Variants in DGKG observed in about 807,000 individuals in gnomAD.
DGKG encodes DAG kinase gamma.
A neutral mutation model predicts 105.3 loss-of-function variants in DGKG; 78 were observed. The ratio of observed to expected loss-of-function variants is 0.74; its 90% CI spans 0.62 to 0.89. DGKG has a LOEUF of 0.89. Among genes scored for constraint, DGKG ranks in the 40% least tolerant of loss-of-function variants. The pLI is 0.00. For synonymous variants in DGKG, 346 were observed against 367.1 expected (o/e 0.94, Z 0.66); for missense variants, 958 against 1,020.1 (o/e 0.94, Z 0.83).
chr3:186,275,434 G>A (rs1327713764), intron 10 of DGKG, 113 bp downstream of exon 10: 7 of 877,010 alleles, frequency 8.0e-6, no homozygotes, highest in African/African-American at 5.0e-5. Flanking sequence ...CAATATGGGT[G>A]GTCCCTCAAG....
chr3:186,243,642 G>A (rs750509419), intron 19 of DGKG, among the ~76,000 whole-genome samples: 1 of 152,066 alleles, frequency 6.6e-6, no homozygotes, highest in Non-Finnish European at 1.5e-5. Context: ...AATGTGTAAC[G>A]CCCCTTCACC....
chr3:186,317,998 T>C (rs1324159642), intron 2 of DGKG, among the ~76,000 whole-genome samples: 1 of 152,204 alleles, frequency 6.6e-6, no homozygotes, highest in Non-Finnish European at 1.5e-5. Context: ...CTTCCTTTTG[T>C]TGTACGTGCA....
intron 24 of DGKG, chr3:186,158,782 T>C (rs1237231697): frequency 5.4e-6 from 5 of 927,458 alleles, no homozygotes; most frequent in Admixed American, 6.2e-5. Flanking sequence ...TAGTTTTTTA[T>C]ATATTTTGAT....
Position 186,167,408 on chromosome 3 carries a change from T to G in DGKG, c.2096-2390A>C, listed in dbSNP as rs1716599606. 2.6e-5 allele frequency among the ~76,000 whole-genome samples: 4 copies of G among 152,326 alleles called. No homozygotes were observed. The South Asian group carries it at 6.2e-4, about 24-fold the overall frequency. On this transcript the variant is annotated intron_variant, in intron 22 of 24. Coordinates refer to ENST00000265022, the MANE Select transcript of DGKG (RefSeq NM_001346.3). ...CAAAGTTATAAGACCACAAGACCCT[T>G]TTCTTGTGTGTGATGCCTATAAACA...
At position 186,188,208 on chromosome 3, in the gene DGKG, C is replaced by G; in HGVS notation, c.2089G>C (p.Val697Leu). 6.2e-7 allele frequency: 1 copy of G among 1,614,156 alleles called. No individual in the cohort carries two copies. Among genetic ancestry groups the G allele is most frequent in the South Asian group, 1.1e-5 (1 of 91,086 alleles). Residue 697 changes from valine (V) to leucine (L), a missense_variant, in exon 22 of 25, where the codon GTT becomes CTT. By Grantham distance (32) the Val-to-Leu change is conservative. Coordinates refer to ENST00000265022, the MANE Select transcript of DGKG (RefSeq NM_001346.3). ...ATCCTCATTCCTGGCTTACCTTGAA[C>G]GCAGAATTTCAGTTCTTTGGGGTCA... ...VTDPKELKFC[V>L]QDLSDQLLEV... is the part of the protein sequence containing the mutation.
intron 1 of DGKG, among the ~76,000 whole-genome samples, chr3:186,355,185 C>CA (rs1726850898): frequency 1.3e-5 from 2 of 148,988 alleles, no homozygotes; most frequent in African/African-American, 4.9e-5. Flanking sequence ...ACTATCACCA[C>CA]CACCATCAAT....
chr3:186,255,874 G>A (rs1224430027), intron 17 of DGKG, among the ~76,000 whole-genome samples: 1 of 152,162 alleles, frequency 6.6e-6, no homozygotes, highest in Non-Finnish European at 1.5e-5. Context: ...AATATCTTAC[G>A]CAGTTATCCC....
intron 20 of DGKG, among the ~76,000 whole-genome samples, chr3:186,225,632 G>A (rs985141922): frequency 4.6e-5 from 7 of 151,922 alleles, no homozygotes; most frequent in Non-Finnish European, 8.8e-5. Context: ...AATGATCGAC[G>A]GCCACTGAGA....
At chr3:186,278,599 G>A (rs931290014) in intron 9 of DGKG, among the ~76,000 whole-genome samples, 2 of 152,148 alleles carry the variant, frequency 1.3e-5, no homozygotes, top group African/African-American at 4.8e-5. Context: ...ATAAGAAGGG[G>A]GTCATGTAGA....
At chr3:186,238,157 C>A (rs994458962) in intron 20 of DGKG, among the ~76,000 whole-genome samples, 1 of 151,736 alleles carries the variant, frequency 6.6e-6, no homozygotes, top group African/African-American at 2.4e-5. Flanking sequence ...GTTAGCCAGG[C>A]GTGGTGGTGT....
At chr3:186,343,089 G>A (rs761464867) in intron 1 of DGKG, among the ~76,000 whole-genome samples, 9 of 152,296 alleles carry the variant, frequency 5.9e-5, no homozygotes, top group Admixed American at 5.9e-4. Context: ...GCCAAAAAAA[G>A]TTGGAGGAAT....
In DGKG at chr3:186,286,324, G is replaced by C. The variant is rs189700570; in HGVS notation, c.545-1615C>G. ...CATAGAGGACAGACCTTTTCTGCTA[G>C]CATTATTCCAGGACTCTGGGCCTAG... is the stretch of plus-strand genomic sequence containing the variant. On this transcript the variant is annotated intron_variant, in intron 6 of 24. Transcript: ENST00000265022. Among the ~76,000 whole-genome samples the C allele has an allele frequency of 3.3e-5, 5 of 152,278 alleles. No individual in the cohort carries two copies. The East Asian group carries it at 9.7e-4, about 29-fold the overall frequency.
intron 22 of DGKG, among the ~76,000 whole-genome samples, chr3:186,176,377 A>G (rs1717077907): frequency 1.3e-5 from 2 of 152,238 alleles, no homozygotes; most frequent in African/African-American, 4.8e-5. Context: ...TCACAGCTCA[A>G]CAGGCTGCCT....
chr3:186,310,068 A>G (rs955441046), intron 2 of DGKG, among the ~76,000 whole-genome samples: 1 of 151,324 alleles, frequency 6.6e-6, no homozygotes, highest in African/African-American at 2.4e-5. Context: ...GGAGTTCAAG[A>G]CCAGCCTGGC....
At position 186,275,670 on chromosome 3, in the gene DGKG, G is replaced by A; in HGVS notation, c.793-6C>T. ...CGCCCATCCCCCTTGGAGCCCTGCAGGGGTAATAGGAGGTGAGACCCCAAG... is the reference window on the plus strand; with the variant it reads ...CGCCCATCCCCCTTGGAGCCCTGCAAGGGTAATAGGAGGTGAGACCCCAAG... On this transcript the variant is annotated splice_region_variant and splice_polypyrimidine_tract_variant and intron_variant, in intron 9 of 24. Coordinates refer to ENST00000265022, the MANE Select transcript of DGKG (RefSeq NM_001346.3). 6.2e-7 allele frequency: 1 copy of A among 1,610,784 alleles called. No individual in the cohort carries two copies. The highest frequency in any genetic ancestry group is 8.5e-7 in the Non-Finnish European group (1 of 1,178,088).
chr3:186,162,617 G>A (rs1398642051), intron 23 of DGKG, among the ~76,000 whole-genome samples: 1 of 152,190 alleles, frequency 6.6e-6, no homozygotes, highest in African/African-American at 2.4e-5. Context: ...TCGGCTCACT[G>A]CAAGCTCTGC....
chr3:186,331,160 A>G (rs904333675), intron 1 of DGKG, among the ~76,000 whole-genome samples: 5 of 152,224 alleles, frequency 3.3e-5, no homozygotes, highest in Non-Finnish European at 7.3e-5. Flanking sequence ...CAAGTGAACT[A>G]TAATTTCTAA....
At chr3:186,336,975 A>G (rs923992811) in intron 1 of DGKG, among the ~76,000 whole-genome samples, 1 of 152,224 alleles carries the variant, frequency 6.6e-6, no homozygotes, top group African/African-American at 2.4e-5. Context: ...TCAATAATAG[A>G]TAAAACTGAA....
intron 5 of DGKG, among the ~76,000 whole-genome samples, chr3:186,293,645 G>C (rs1035288693): frequency 6.6e-5 from 10 of 152,342 alleles, no homozygotes; most frequent in African/African-American, 2.2e-4. Context: ...TATGGCTCTG[G>C]GAATGAAGTG....
Sources: allele counts gnomAD v4.1 joint callset (sites outside exome capture counted in the v4.1 genomes callset), GRCh38; gene constraint gnomAD v4.1.1; transcripts MANE v1.5; gene names NCBI Gene and HGNC (gene_info 2026-07-23, HGNC 2026-07-21).